Variants in MAD1L1 observed in about 807,000 individuals in gnomAD.
MAD1L1 encodes the protein mitotic arrest deficient 1 like 1, also known as mitotic spindle assembly checkpoint protein MAD1.
In MAD1L1, 95 loss-of-function variants were observed where a neutral mutation model predicts 96.9. The ratio of observed to expected loss-of-function variants is 0.98; its 90% confidence interval spans 0.83 to 1.16. The LOEUF is 1.16. MAD1L1 is among the 50% of genes most tolerant of loss of function. MAD1L1 has a pLI of 0.00. For synonymous variants in MAD1L1, 473 were observed against 396.6 expected (o/e 1.19, Z -2.29); for missense variants, 1,007 against 954.4 (o/e 1.06, Z -0.73).
chr7:1,933,072 T>G (rs879867641), intron 17 of MAD1L1, among the ~76,000 whole-genome samples: 16 of 152,208 alleles, frequency 1.1e-4, no homozygotes, highest in African/African-American at 3.9e-4. Flanking sequence ...TTTGGAGATT[T>G]TCTTTGCTGG....
chr7:2,216,257 G>A lies in MAD1L1; in HGVS notation c.709C>T (p.Gln237Ter). 6.2e-7 allele frequency: 1 copy of A among 1,614,124 alleles called. No individual in the cohort carries two copies. The part of the protein sequence containing the change: ...DLEQKLSLQE[Q>*]DAAIVKNMKS... ...ATGTTCTTCACAATCGCTGCATCCTGCTCTTGCAGGGACAGCTTCTGCTCC... is the reference window on the plus strand; with the variant it reads ...ATGTTCTTCACAATCGCTGCATCCTACTCTTGCAGGGACAGCTTCTGCTCC... The change falls in exon 8 of 19, where the codon CAG (glutamine) becomes TAG (stop). Residue 237 changes from glutamine (Q) to a stop codon, truncating the protein, a stop_gained. Coordinates refer to ENST00000265854, the MANE Select transcript of MAD1L1 (RefSeq NM_001013836.2). LOFTEE classifies it high-confidence loss of function.
rs531123685 is a variant in MAD1L1 at position 1,848,486 on chromosome 7, G to C, written c.1999-32258C>G. 32 of 152,462 alleles carry C rather than the reference G, an allele frequency of 2.1e-4. 1 individual carries two copies. Among genetic ancestry groups the C allele is most frequent in the African/African-American group, 7.5e-4 (31 of 41,582 alleles). The allele number at this position is 152,462 out of a possible 1,614,324, so 9.4% of individuals were successfully genotyped here. A position where few individuals can be genotyped will look rare whatever the true frequency, so the allele number is the denominator to read the frequency against. On this transcript the variant is annotated intron_variant, in intron 18 of 18. Transcript: ENST00000265854. ...TCCTCGGAGGCTTGGGCCAGTCACCGGGCCCGGCTGTGCTTTCACAGCTGC... is the reference window on the plus strand; with the variant it reads ...TCCTCGGAGGCTTGGGCCAGTCACCCGGCCCGGCTGTGCTTTCACAGCTGC...
intron 12 of MAD1L1, among the ~76,000 whole-genome samples, chr7:2,016,173 C>G (rs1782530381): frequency 6.6e-6 from 1 of 152,190 alleles, no homozygotes; most frequent in Non-Finnish European, 1.5e-5. Flanking sequence ...GAGCCAGGAC[C>G]TCACAAACCC....
intron 16 of MAD1L1, among the ~76,000 whole-genome samples, chr7:1,953,500 C>T (rs1485705183): frequency 6.6e-6 from 1 of 152,196 alleles, no homozygotes; most frequent in Non-Finnish European, 1.5e-5. Flanking sequence ...GAGGCCACAT[C>T]GAGGAACGGC....
intron 12 of MAD1L1, among the ~76,000 whole-genome samples, chr7:2,021,357 C>T (rs955964862): frequency 2.0e-5 from 3 of 152,144 alleles, no homozygotes; most frequent in Admixed American, 6.5e-5. Context: ...ACCTCCTGAC[C>T]GAAGCCACTC....
intron 18 of MAD1L1, among the ~76,000 whole-genome samples, chr7:1,867,121 G>GTGGGAGACAGAGGCAGGCAGAAGC (rs1784812781): frequency 6.6e-6 from 1 of 152,238 alleles, no homozygotes; most frequent in Non-Finnish European, 1.5e-5. Context: ...CTGGGGCGAA[G>GTGGGAGACAGAGGCAGGCAGAAGC]TGGGAGACAG....
chr7:1,957,059 C>T (rs969701742), intron 16 of MAD1L1, among the ~76,000 whole-genome samples: 1 of 152,248 alleles, frequency 6.6e-6, no homozygotes, highest in Non-Finnish European at 1.5e-5. Context: ...GCTCCCTGTA[C>T]ACCACGGCCC....
intron 11 of MAD1L1, among the ~76,000 whole-genome samples, chr7:2,115,190 G>A (rs1787603538): frequency 6.6e-6 from 1 of 152,250 alleles, no homozygotes; most frequent in Non-Finnish European, 1.5e-5. Flanking sequence ...GCTGGCTCAG[G>A]ACCCTTCCCA....
chr7:1,929,678 G>A (rs1433798824), intron 17 of MAD1L1, among the ~76,000 whole-genome samples: 3 of 150,616 alleles, frequency 2.0e-5, no homozygotes, highest in Non-Finnish European at 4.4e-5. Context: ...AAACACGAAA[G>A]GGAGCTCTTG....
rs904822419 is a variant in MAD1L1, at chr7:1,968,951, G to A, written c.1506-11232C>T. Among the ~76,000 whole-genome samples, 3 of 152,234 alleles carry A rather than the reference G, an allele frequency of 2.0e-5. No homozygotes were observed. The highest frequency in any genetic ancestry group is 6.5e-5 in the Admixed American group (1 of 15,284). ...GCTGGAGACAGGCCCAGAGTCACAC[G>A]CCGGTGACGAGCACCATGGCAGCGT... On this transcript the variant is annotated intron_variant, in intron 15 of 18. Coordinates refer to ENST00000265854, the MANE Select transcript of MAD1L1 (RefSeq NM_001013836.2). The surrounding 1 kb of genome is among the most constrained non-coding windows in gnomAD (Gnocchi z 5.6).
chr7:2,139,963 T>G (rs1209158158), intron 11 of MAD1L1, among the ~76,000 whole-genome samples: 1 of 151,840 alleles, frequency 6.6e-6, no homozygotes, highest in Non-Finnish European at 1.5e-5. Flanking sequence ...TCAGTTTCCC[T>G]GTTTTTATGG....
At chr7:1,837,778 T>C (rs1303378978) in intron 18 of MAD1L1, among the ~76,000 whole-genome samples, 4 of 151,946 alleles carry the variant, frequency 2.6e-5, no homozygotes. Flanking sequence ...CTGCCTGGGG[T>C]CGGGTTGCAG....
chr7:1,888,585 C>T (rs1406675921), intron 18 of MAD1L1, among the ~76,000 whole-genome samples: 1 of 149,462 alleles, frequency 6.7e-6, no homozygotes, highest in Non-Finnish European at 1.5e-5. Context: ...TGTGAGCATG[C>T]ATGCGTGCAT....
chr7:2,178,536 T>A (rs1006631093), intron 10 of MAD1L1, among the ~76,000 whole-genome samples: 1 of 152,138 alleles, frequency 6.6e-6, no homozygotes, highest in Non-Finnish European at 1.5e-5. Context: ...AAGAGGGGAA[T>A]TCACCCAAAT....
At chr7:1,922,186 G>C (rs762394129) in intron 17 of MAD1L1, among the ~76,000 whole-genome samples, 1 of 152,188 alleles carries the variant, frequency 6.6e-6, no homozygotes, top group African/African-American at 2.4e-5. Flanking sequence ...GCCCAGCGGC[G>C]AGCGCCCTGC....
chr7:1,854,707 C>A (rs529063013), intron 18 of MAD1L1, among the ~76,000 whole-genome samples: 55 of 152,322 alleles, frequency 3.6e-4, no homozygotes, highest in African/African-American at 1.3e-3. Context: ...CCTGTCCCCA[C>A]AGAACCCACA....
In MAD1L1 at chr7:2,230,058, C is replaced by T. The variant is rs1165349811; in HGVS notation, c.76G>A (p.Glu26Lys). The part of the protein sequence containing the change: ...SLNNFISQRV[E>K]GGSGLDISTS... ...GAAATATCCAGTCCAGAGCCTCCCT[C>T]CACACGCTGAGAGATGAAGTTGTTC... Residue 26 changes from glutamate to lysine, a missense_variant, in exon 3 of 19, where the codon GAG (glutamate) becomes AAG (lysine). Glu to Lys is a moderately conservative substitution (Grantham distance 56). Transcript: ENST00000265854. 6.2e-7 allele frequency: 1 copy of T among 1,613,604 alleles called. No homozygotes were observed. Among genetic ancestry groups the T allele is most frequent in the Admixed American group, 1.7e-5 (1 of 59,952 alleles).
At chr7:2,074,510 A>G (rs573002015) in intron 11 of MAD1L1, among the ~76,000 whole-genome samples, 31 of 152,346 alleles carry the variant, frequency 2.0e-4, no homozygotes, top group African/African-American at 7.0e-4. Flanking sequence ...CAGGCCTCTG[A>G]GAACAGGGCA....
At chr7:1,858,260 C>T (rs913609180) in intron 18 of MAD1L1, among the ~76,000 whole-genome samples, 5 of 152,226 alleles carry the variant, frequency 3.3e-5, no homozygotes, top group African/African-American at 9.6e-5. Flanking sequence ...CAGGAGATAG[C>T]GGTGCTGGGA....
Sources: gnomAD v4.1 joint callset for allele counts (sites outside exome capture counted in the v4.1 genomes callset) on GRCh38, gnomAD v4.1.1 for gene constraint, Gnocchi (gnomAD v3.1) non-coding constraint, MANE v1.5 for transcripts, NCBI Gene and HGNC (gene_info 2026-07-23, HGNC 2026-07-21) for gene names.